WNT7A: variants seen among roughly 807,000 people sequenced by gnomAD.
WNT7A encodes Wnt family member 7A.
A neutral mutation model predicts 28.2 loss-of-function variants in WNT7A; 16 were observed. The observed-to-expected ratio is 0.57, with a 90% CI of 0.38 to 0.86. WNT7A has a LOEUF of 0.86. WNT7A is among the 40% of genes least tolerant of loss of function. The pLI, the probability that WNT7A is intolerant of heterozygous loss-of-function variation, is 0.00. For missense variants in WNT7A, 411 were observed against 489.7 expected, an observed-to-expected ratio of 0.84 and a Z score of 1.52; for synonymous variants, 190 against 195.9, an observed-to-expected ratio of 0.97 and a Z score of 0.25.
At chr3:13,871,393 A>G (rs1354807993) in intron 2 of WNT7A, among the ~76,000 whole-genome samples, 1 of 152,092 alleles carries the variant, frequency 6.6e-6, no homozygotes. Context: ...ACACCTGTCT[A>G]TATATGAGGA....
intron 3 of WNT7A, among the ~76,000 whole-genome samples, chr3:13,828,409 C>A (rs762221470): frequency 6.6e-6 from 1 of 152,202 alleles, no homozygotes; most frequent in Admixed American, 6.5e-5. Context: ...TTCATCAACC[C>A]AAGACCACTG....
At chr3:13,870,564 A>G (rs1261038165) in intron 2 of WNT7A, among the ~76,000 whole-genome samples, 1 of 152,212 alleles carries the variant, frequency 6.6e-6, no homozygotes. Flanking sequence ...TGGGGCTACC[A>G]GGCTGGGCCA....
At chr3:13,823,089 A>C (rs1159265645) in intron 3 of WNT7A, among the ~76,000 whole-genome samples, 1 of 152,212 alleles carries the variant, frequency 6.6e-6, no homozygotes. Context: ...GCCAGGCATA[A>C]TCACAGCTGC....
intron 3 of WNT7A, among the ~76,000 whole-genome samples, chr3:13,847,387 G>A (rs1482996594): frequency 6.6e-6 from 1 of 152,226 alleles, no homozygotes; most frequent in African/African-American, 2.4e-5. Context: ...CCAGGAGCCA[G>A]GCCCTAGGTG....
At position 13,871,520 on chromosome 3, in the gene WNT7A, C is replaced by T. The variant is rs931734912; in HGVS notation, c.298+3427G>A. On this transcript the variant is annotated intron_variant, in intron 2 of 3. Transcript: ENST00000285018. ...GAGTGACTCCCTCCTTCCTAGCAGG[C>T]CTTTAGGTTGTCACCCTCCCTCCCT... is the stretch of plus-strand genomic sequence containing the variant. Among the ~76,000 whole-genome samples the T allele has an allele frequency of 2.6e-5, 4 of 152,076 alleles. No homozygotes were observed. In the East Asian group the frequency reaches 7.7e-4, roughly 29 times the overall value.
intron 3 of WNT7A, among the ~76,000 whole-genome samples, chr3:13,848,095 C>G (rs1389082634): frequency 6.6e-6 from 1 of 151,326 alleles, no homozygotes; most frequent in African/African-American, 2.4e-5. Flanking sequence ...GAGTTAAATG[C>G]TAAACATAAA....
At chr3:13,856,149 G>A (rs573976443) in intron 2 of WNT7A, among the ~76,000 whole-genome samples, 6 of 151,864 alleles carry the variant, frequency 4.0e-5, no homozygotes, top group African/African-American at 9.7e-5. Flanking sequence ...TGTCTTTGCC[G>A]TGGCGTGCCA....
intron 3 of WNT7A, among the ~76,000 whole-genome samples, chr3:13,840,758 A>G (rs768305586): frequency 6.6e-6 from 1 of 151,720 alleles, no homozygotes; most frequent in Non-Finnish European, 1.5e-5. Flanking sequence ...TCCCATTACT[A>G]TCTATCTAGC....
At chr3:13,866,551 A>C (rs909550218) in intron 2 of WNT7A, among the ~76,000 whole-genome samples, 1 of 152,182 alleles carries the variant, frequency 6.6e-6, no homozygotes, top group African/African-American at 2.4e-5. Flanking sequence ...AAGGACAGGC[A>C]GTGTACACTA....
Position 13,851,442 on chromosome 3 carries a change from C to T in WNT7A, c.570+3090G>A, listed in dbSNP as rs1247493866. On this transcript the variant is annotated intron_variant, in intron 3 of 3. Coordinates refer to ENST00000285018, the MANE Select transcript of WNT7A (RefSeq NM_004625.4). ...ACTGCCCTCTTCCTTCCTGATGCCT[C>T]GTCCACCTGGACTCCTTATCCTTCA... 3.9e-5 allele frequency among the ~76,000 whole-genome samples: 6 copies of T among 152,186 alleles called. No individual in the cohort carries two copies. The South Asian group carries it at 8.3e-4, about 21-fold the overall frequency.
At chr3:13,828,268 C>A (rs1040195655) in intron 3 of WNT7A, among the ~76,000 whole-genome samples, 1 of 152,174 alleles carries the variant, frequency 6.6e-6, no homozygotes, top group Non-Finnish European at 1.5e-5. Context: ...AGGCATCGTG[C>A]AACCACATGG....
chr3:13,825,308 G>T (rs1017912425), intron 3 of WNT7A, among the ~76,000 whole-genome samples: 1 of 152,162 alleles, frequency 6.6e-6, no homozygotes, highest in African/African-American at 2.4e-5. Context: ...ACTCCCTCAT[G>T]GTTTCCATGG....
intron 2 of WNT7A, among the ~76,000 whole-genome samples, chr3:13,870,918 T>C (rs1289551844): frequency 6.6e-6 from 1 of 152,194 alleles, no homozygotes; most frequent in East Asian, 1.9e-4. Flanking sequence ...TGGGGTTCAA[T>C]TTCTAGCATG....
intron 3 of WNT7A, among the ~76,000 whole-genome samples, chr3:13,842,548 G>A (rs1214509080): frequency 1.3e-5 from 2 of 152,194 alleles, no homozygotes; most frequent in Non-Finnish European, 1.5e-5. Flanking sequence ...TCATGAGCTC[G>A]GGGGTATAAG....
intron 3 of WNT7A, among the ~76,000 whole-genome samples, chr3:13,839,364 G>A (rs1488237007): frequency 6.6e-6 from 1 of 152,234 alleles, no homozygotes; most frequent in Non-Finnish European, 1.5e-5. Context: ...GCCCAGATAG[G>A]GGGTGGGAGC....
At chr3:13,844,847 C>T (rs1168243037) in intron 3 of WNT7A, among the ~76,000 whole-genome samples, 1 of 152,168 alleles carries the variant, frequency 6.6e-6, no homozygotes, top group African/African-American at 2.4e-5. Flanking sequence ...CCTAGTTTCT[C>T]CTTCCCTCTA....
intron 3 of WNT7A, among the ~76,000 whole-genome samples, chr3:13,836,219 A>G (rs1042612266): frequency 6.0e-5 from 9 of 149,236 alleles, no homozygotes; most frequent in Admixed American, 4.1e-4. Context: ...AAAAAAAAAA[A>G]AGACAAGAGA....
At chr3:13,852,625 C>T (rs1694658256) in intron 3 of WNT7A, among the ~76,000 whole-genome samples, 1 of 152,138 alleles carries the variant, frequency 6.6e-6, no homozygotes, top group East Asian at 1.9e-4. Flanking sequence ...CGTCGGGGCC[C>T]TTGGGGTGTC....
chr3:13,842,950 G>A (rs1459370056), intron 3 of WNT7A, among the ~76,000 whole-genome samples: 2 of 152,184 alleles, frequency 1.3e-5, no homozygotes, highest in Non-Finnish European at 2.9e-5. Flanking sequence ...AAGGACAAGG[G>A]CAGAGGCCCC....
Sources: allele counts gnomAD v4.1 joint callset (sites outside exome capture counted in the v4.1 genomes callset), GRCh38; gene constraint gnomAD v4.1.1; transcripts MANE v1.5; gene names NCBI Gene and HGNC (gene_info 2026-07-23, HGNC 2026-07-21).